The following TNRC6B variants were observed in gnomAD, a reference collection of about 807,000 sequenced individuals.
The protein encoded by TNRC6B is trinucleotide repeat-containing gene 6B protein.
In TNRC6B, 52 loss-of-function variants were observed where a neutral mutation model predicts 203.6. The observed-to-expected ratio is 0.26, with a 90% CI of 0.20 to 0.32. The LOEUF is 0.32. TNRC6B is among the 10% of genes least tolerant of loss of function. TNRC6B has a pLI of 1.00. For missense variants in TNRC6B, 1,923 were observed against 2,286.2 expected (o/e 0.84, Z 3.24); for synonymous variants, 838 against 845.7 (o/e 0.99, Z 0.16).
At chr22:40,313,726 A>G (rs1387374776) in intron 19 of TNRC6B, among the ~76,000 whole-genome samples, 1 of 152,222 alleles carries the variant, frequency 6.6e-6, no homozygotes, top group Non-Finnish European at 1.5e-5. Context: ...TGGGCTAAAC[A>G]TTGTCTTGTT....
At chr22:40,125,679 G>C in intron 2 of TNRC6B, 1 of 726,430 alleles carries the variant, frequency 1.4e-6, no homozygotes, top group South Asian at 2.0e-5. Context: ...CAGTATCTGT[G>C]GCCTTATTGA....
In TNRC6B at chr22:40,265,509, G is replaced by A. The variant is rs753619822; in HGVS notation, c.1279G>A (p.Ala427Thr). 1.2e-6 allele frequency: 2 copies of A among 1,613,908 alleles called. No homozygotes were observed. Among genetic ancestry groups the A allele is most frequent in the South Asian group, 1.1e-5 (1 of 91,068 alleles). Residue 427 changes from alanine to threonine, a missense_variant, in exon 5 of 23, where the codon GCA (alanine) becomes ACA (threonine). By Grantham distance (58) the Ala-to-Thr change is moderately conservative. This residue lies in a region of TNRC6B where 614 missense variants were observed against 587.7 expected (regional missense o/e 1.04). Transcript: ENST00000454349. ...GACTGGGAGTGTTGGATCTTGGGGT[G>A]CAGCTAGGGGGCCTTCTGGAACTGA... ...RKTGSVGSWG[A>T]ARGPSGTDTV...
intron 2 of TNRC6B, among the ~76,000 whole-genome samples, chr22:40,247,188 G>A (rs2146472725): frequency 6.6e-6 from 1 of 152,258 alleles, no homozygotes; most frequent in East Asian, 1.9e-4. Flanking sequence ...GAGGTAAGGT[G>A]ATTTTCTGTC....
intron 1 of TNRC6B, among the ~76,000 whole-genome samples, chr22:40,214,566 G>A (rs1221438712): frequency 7.3e-6 from 1 of 137,074 alleles, no homozygotes; most frequent in Non-Finnish European, 1.6e-5. Context: ...TTTTTATTTT[G>A]GACAGAGTTT....
intron 1 of TNRC6B, among the ~76,000 whole-genome samples, chr22:40,066,022 T>G (rs1045723813): frequency 6.6e-6 from 1 of 152,170 alleles, no homozygotes; most frequent in Non-Finnish European, 1.5e-5. Context: ...GTTCTTTCTC[T>G]GTGCAGCTCT....
rs538929348 is a variant in TNRC6B at position 40,106,661 on chromosome 22, A to T, written c.-120-10394A>T. On this transcript the variant is annotated intron_variant, in intron 1 of 23. Transcript: ENST00000301923. ...CCCCCAAGCAATATATGACTCTACA[A>T]TCCTCAGCATGTTAATTGAAGCCCT... is the stretch of plus-strand genomic sequence containing the variant. The T allele has an allele frequency of 6.7e-6, 5 of 751,854 alleles. No individual in the cohort carries two copies. In the South Asian group the frequency reaches 6.8e-5, roughly 10 times the overall value. The allele number at this position is 751,854 out of a possible 1,614,324, so 46.6% of individuals were successfully genotyped here.
chr22:40,285,604 T>G, intron 11 of TNRC6B, 41 bp from the exon 12 acceptor site: 3 of 1,594,666 alleles, frequency 1.9e-6, no homozygotes, highest in Non-Finnish European at 2.6e-6. Flanking sequence ...TGCATTTTCT[T>G]ATGTTAACAA....
At chr22:40,300,652 A>G (rs1215180406) in intron 13 of TNRC6B, 66 bp downstream of exon 13, 10 of 1,545,498 alleles carry the variant, frequency 6.5e-6, no homozygotes, top group Non-Finnish European at 7.8e-6. Context: ...TTTAGCTTTG[A>G]TTTGCTTCCC....
chr22:40,284,213 T>G (rs910232499), intron 11 of TNRC6B, among the ~76,000 whole-genome samples: 1 of 152,232 alleles, frequency 6.6e-6, no homozygotes, highest in African/African-American at 2.4e-5. Flanking sequence ...ATTTATGAGA[T>G]ACACAGATTT....
chr22:40,057,305 TTTTTTGAGACAGAGTTTC>T (rs781198791), intron 1 of TNRC6B, among the ~76,000 whole-genome samples: 5 of 151,582 alleles, frequency 3.3e-5, no homozygotes, highest in Admixed American at 6.6e-5. Context: ...TTTTTTTTTT[TTTTTTGAGACAGAGTTTC>T]GCTCTTGTTG....
intron 4 of TNRC6B, among the ~76,000 whole-genome samples, chr22:40,156,345 CAACT>C (rs2068818735): frequency 6.6e-6 from 1 of 152,178 alleles, no homozygotes; most frequent in African/African-American, 2.4e-5. Flanking sequence ...ATTTATAGAC[CAACT>C]AACTAGAAGG....
At chr22:40,225,574 T>A (rs1035523074) in intron 1 of TNRC6B, among the ~76,000 whole-genome samples, 15 of 151,784 alleles carry the variant, frequency 9.9e-5, no homozygotes, top group Non-Finnish European at 1.8e-4. Flanking sequence ...GCTAAAAAAA[T>A]TTTTAAAATA....
intron 1 of TNRC6B, among the ~76,000 whole-genome samples, chr22:40,202,910 G>T (rs1001275482): frequency 6.6e-6 from 1 of 152,092 alleles, no homozygotes; most frequent in Non-Finnish European, 1.5e-5. Flanking sequence ...GTCTTTTCTT[G>T]CTAGCCCTTT....
intron 1 of TNRC6B, among the ~76,000 whole-genome samples, chr22:40,218,851 C>T (rs930568053): frequency 1.3e-5 from 2 of 152,140 alleles, no homozygotes; most frequent in South Asian, 4.1e-4. Context: ...GTTGAGGCCA[C>T]GTGAATGTCG....
intron 12 of TNRC6B, among the ~76,000 whole-genome samples, chr22:40,293,038 C>T (rs1023546375): frequency 2.0e-5 from 3 of 152,002 alleles, no homozygotes; most frequent in Non-Finnish European, 4.4e-5. Flanking sequence ...AATATATTCC[C>T]ATGTGGATTT....
intron 4 of TNRC6B, among the ~76,000 whole-genome samples, chr22:40,159,796 G>A (rs988295522): frequency 4.6e-5 from 7 of 151,828 alleles, no homozygotes; most frequent in Non-Finnish European, 8.8e-5. Context: ...TGTAATTTGA[G>A]ATATTTTCAG....
intron 4 of TNRC6B, among the ~76,000 whole-genome samples, chr22:40,262,927 C>A (rs1197108031): frequency 6.6e-6 from 1 of 151,824 alleles, no homozygotes; most frequent in Admixed American, 6.6e-5. Context: ...GTAGTCCCAG[C>A]TACTCGGGAG....
intron 1 of TNRC6B, among the ~76,000 whole-genome samples, chr22:40,237,928 C>T (rs1206536906): frequency 2.6e-5 from 4 of 151,952 alleles, no homozygotes; most frequent in Non-Finnish European, 5.9e-5. Context: ...AGGGCAGGGA[C>T]CATCCTTCTT....
intron 1 of TNRC6B, among the ~76,000 whole-genome samples, chr22:40,212,203 T>G (rs746030008): frequency 2.0e-5 from 3 of 152,214 alleles, no homozygotes; most frequent in Non-Finnish European, 4.4e-5. Context: ...GCTTCTGCAG[T>G]TTCCTCAACA....
Sources: allele counts gnomAD v4.1 joint callset (sites outside exome capture counted in the v4.1 genomes callset), GRCh38; gene constraint gnomAD v4.1.1; regional missense constraint gnomAD v4.1.1; transcripts MANE v1.5; gene names NCBI Gene and HGNC (gene_info 2026-07-23, HGNC 2026-07-21).